AIF1L: variants seen among roughly 807,000 people sequenced by gnomAD.
AIF1L encodes allograft inflammatory factor 1 like, also known as allograft inflammatory factor 1-like.
A neutral mutation model predicts 20.7 loss-of-function variants in AIF1L; 12 were observed. The ratio of observed to expected loss-of-function variants is 0.58; its 90% confidence interval spans 0.37 to 0.94. The LOEUF (loss-of-function observed/expected upper bound fraction) is 0.94, where lower values mean the gene tolerates loss of function less well. Among genes scored for constraint, AIF1L ranks in the 40% least tolerant of loss-of-function variants. The probability of loss-of-function intolerance (pLI) is 0.01; values close to 1 mark genes in which losing one functional copy is unlikely to be tolerated. For missense variants in AIF1L, 173 were observed against 185.3 expected (o/e 0.93, Z 0.39); for synonymous variants, 76 against 65.1 (o/e 1.17, Z -0.81).
rs1262944840 is a variant in AIF1L, at chr9:131,111,603, C to T, written c.100C>T (p.Leu34=). 2 of 1,613,858 alleles carry T rather than the reference C, an allele frequency of 1.2e-6. No individual in the cohort carries two copies. The highest frequency in any genetic ancestry group is 1.7e-5 in the Admixed American group (1 of 59,998). Residue 34 remains leucine, a synonymous_variant, in exon 3 of 6, where the codon CTG becomes TTG. Transcript: ENST00000247291. ...RRLAEINREF[L]CDQKYSDEEN... is the part of the protein sequence containing the mutation. The stretch of plus-strand genomic sequence containing the variant: ...TGTCCTCTCACCTCTGTAGGAGTTT[C>T]TGTGTGACCAGAAGTACAGTGATGA...
At chr9:131,111,332 A>C in intron 2 of AIF1L, 2 of 408,168 alleles carry the variant, frequency 4.9e-6, no homozygotes, top group African/African-American at 2.0e-5. Context: ...CAGCATTGGT[A>C]ATGTAGCTGC....
chr9:131,117,737 TC>T lies in AIF1L; in HGVS notation c.203-18del, dbSNP rs747327267. The stretch of plus-strand genomic sequence containing the variant: ...CAGCAGCCCATCTCCACTTAACAGA[TC>T]TGCTTTTCCCCCGGCAGACCTGATG... On this transcript the variant is annotated intron_variant, in intron 4 of 5. Coordinates refer to ENST00000247291, the MANE Select transcript of AIF1L (RefSeq NM_031426.4). 1.3e-6 allele frequency: 2 copies of T among 1,595,318 alleles called. No homozygotes were observed. The highest frequency in any genetic ancestry group is 1.7e-6 in the Non-Finnish European group (2 of 1,171,314).
At chr9:131,111,877 C>A (rs1043473476) in intron 3 of AIF1L, 65 of 575,402 alleles carry the variant, frequency 1.1e-4, no homozygotes, top group Non-Finnish European at 1.9e-4. Flanking sequence ...GGCCCCGTCA[C>A]CCCTCGCCTG....
intron 2 of AIF1L, chr9:131,111,388 C>T: frequency 3.5e-6 from 2 of 574,372 alleles, no homozygotes; most frequent in South Asian, 4.4e-5. Context: ...TGGGGCCTCC[C>T]CAAGCTGCTG....
At chr9:131,117,712 C>T (rs1831044906) in intron 4 of AIF1L, 44 bp from the exon 5 acceptor site, 3 of 1,538,314 alleles carry the variant, frequency 2.0e-6, no homozygotes, top group Non-Finnish European at 2.6e-6. Context: ...TGCTAAGCCC[C>T]AGCAGCCCAT....
At chr9:131,117,673 G>A in intron 4 of AIF1L, 83 bp from the exon 5 acceptor site, 1 of 1,444,204 alleles carries the variant, frequency 6.9e-7, no homozygotes, top group Non-Finnish European at 9.3e-7. Flanking sequence ...TAGGCGTGGG[G>A]TGCCTGAGTG....
chr9:131,106,311 A>G (rs1180836144), intron 2 of AIF1L: 1 of 1,324,604 alleles, frequency 7.5e-7, no homozygotes, highest in Non-Finnish European at 1.0e-6. Context: ...CATCCTGCAC[A>G]TGTTTATTGA....
rs1045295884 is a variant in AIF1L, at chr9:131,116,750, G to A, written c.203-1006G>A. Reference sequence around the variant, plus strand: ...GGTTATTTCTGTAGAGGAAATCTCAGGAAGGGGACACTGGGTCAAAGGCTT... The same window carrying A: ...GGTTATTTCTGTAGAGGAAATCTCAAGAAGGGGACACTGGGTCAAAGGCTT... On this transcript the variant is annotated intron_variant, in intron 4 of 5. Coordinates refer to ENST00000247291, the MANE Select transcript of AIF1L (RefSeq NM_031426.4). Among the ~76,000 whole-genome samples the A allele has an allele frequency of 3.5e-4, 54 of 152,220 alleles. 1 individual carries two copies. The highest frequency in any genetic ancestry group is 1.0e-4 in the Non-Finnish European group (7 of 68,030).
chr9:131,112,166 G>GGGGC (rs2133394097), intron 3 of AIF1L: 1 of 158,762 alleles, frequency 6.3e-6, no homozygotes, highest in African/African-American at 2.4e-5. Flanking sequence ...GGGAGCCGGC[G>GGGGC]CGGGGAGAGG....
chr9:131,113,382 C>T (rs1408672783), intron 3 of AIF1L, among the ~76,000 whole-genome samples: 2 of 151,428 alleles, frequency 1.3e-5, no homozygotes, highest in South Asian at 2.1e-4. Context: ...CCTGTAATGC[C>T]AGCTACTCGG....
chr9:131,114,696 A>AG, intron 4 of AIF1L, 78 bp downstream of exon 4: 1 of 1,563,702 alleles, frequency 6.4e-7, no homozygotes, highest in Non-Finnish European at 8.8e-7. Flanking sequence ...TGTGCGGGTG[A>AG]GGGGCATGGG....
chr9:131,115,749 G>A (rs1356679944), intron 4 of AIF1L, among the ~76,000 whole-genome samples: 3 of 151,770 alleles, frequency 2.0e-5, no homozygotes, highest in South Asian at 2.1e-4. Context: ...CAAGGCGGGC[G>A]GATCACATGA....
Position 131,121,438 on chromosome 9 carries a change from C to T in AIF1L, c.*1116C>T. On this transcript the variant is annotated 3_prime_UTR_variant, in exon 6 of 6. Coordinates refer to ENST00000247291, the MANE Select transcript of AIF1L (RefSeq NM_031426.4). Reference sequence around the variant, plus strand: ...AGCTTGGGAATTGAACTGGGGTCACCTGTGTCCTTTCTTATGGACTCGCAG... The same window carrying T: ...AGCTTGGGAATTGAACTGGGGTCACTTGTGTCCTTTCTTATGGACTCGCAG... 3.5e-6 allele frequency: 1 copy of T among 283,090 alleles called. No homozygotes were observed. The highest frequency in any genetic ancestry group is 6.6e-6 in the Non-Finnish European group (1 of 152,130). 17.5% of individuals were successfully genotyped at this position (283,090 alleles called of 1,614,324 possible). A position where few individuals can be genotyped will look rare whatever the true frequency, so the allele number is the denominator to read the frequency against.
chr9:131,109,586 AG>A (rs1038091665), intron 2 of AIF1L, among the ~76,000 whole-genome samples: 5 of 152,098 alleles, frequency 3.3e-5, no homozygotes, highest in Non-Finnish European at 7.4e-5. Flanking sequence ...AAACAAAAAA[AG>A]AATGGAAGCT....
intron 2 of AIF1L, among the ~76,000 whole-genome samples, chr9:131,104,701 T>TA: frequency 6.6e-6 from 1 of 152,308 alleles, no homozygotes; most frequent in African/African-American, 2.4e-5. Context: ...TGTATGGGCA[T>TA]AAGTATTAGA....
At chr9:131,115,171 C>CG (rs1830979367) in intron 4 of AIF1L, among the ~76,000 whole-genome samples, 1 of 152,088 alleles carries the variant, frequency 6.6e-6, no homozygotes, top group South Asian at 2.1e-4. Context: ...TGAAATGGGC[C>CG]GGGCGCCATG....
intron 2 of AIF1L, among the ~76,000 whole-genome samples, chr9:131,109,967 T>C (rs560941688): frequency 1.5e-4 from 23 of 152,268 alleles, no homozygotes; most frequent in Admixed American, 3.3e-4. Context: ...CCCAGCACTT[T>C]GGGAGGCCGA....
At chr9:131,101,225 G>A (rs936272067) in intron 2 of AIF1L, among the ~76,000 whole-genome samples, 1 of 152,128 alleles carries the variant, frequency 6.6e-6, no homozygotes, top group African/African-American at 2.4e-5. Flanking sequence ...ACAGTAACGA[G>A]CTGTGGCTGT....
chr9:131,097,840 T>C (rs1302057134), intron 2 of AIF1L, among the ~76,000 whole-genome samples: 1 of 152,256 alleles, frequency 6.6e-6, no homozygotes, highest in Non-Finnish European at 1.5e-5. Flanking sequence ...GTGGCCTGCA[T>C]GGCCCAGCAC....
Sources: gnomAD v4.1 joint callset for allele counts (sites outside exome capture counted in the v4.1 genomes callset) on GRCh38, gnomAD v4.1.1 for gene constraint, MANE v1.5 for transcripts, NCBI Gene and HGNC (gene_info 2026-07-23, HGNC 2026-07-21) for gene names.